The following CPVL variants were observed in gnomAD, a reference collection of about 807,000 sequenced individuals.
CPVL encodes the protein probable serine carboxypeptidase CPVL.
Under a neutral mutation model 63.7 loss-of-function variants are expected in CPVL, and 51 were observed. The observed-to-expected ratio is 0.80, with a 90% CI of 0.64 to 1.01. The LOEUF (loss-of-function observed/expected upper bound fraction) is 1.01. Ranked by LOEUF, CPVL falls within the 50% of genes least tolerant of loss-of-function variation. The pLI is 0.00. For missense variants in CPVL, 530 were observed against 573.1 expected, an observed-to-expected ratio of 0.92 and a Z score of 0.77; for synonymous variants, 195 against 206.0, an observed-to-expected ratio of 0.95 and a Z score of 0.46.
intron 1 of CPVL, among the ~76,000 whole-genome samples, chr7:29,138,468 G>A (rs1791485955): frequency 6.6e-6 from 1 of 151,956 alleles, no homozygotes; most frequent in African/African-American, 2.4e-5. Context: ...AGAAGAAGAA[G>A]AAAGTAAAAC....
At chr7:29,057,196 T>C (rs1357232570) in intron 11 of CPVL, among the ~76,000 whole-genome samples, 1 of 152,082 alleles carries the variant, frequency 6.6e-6, no homozygotes, top group Non-Finnish European at 1.5e-5. Flanking sequence ...TCCTGGGTGA[T>C]CCTCTCGCCT....
chr7:29,022,788 A>T (rs317739), intron 12 of CPVL, among the ~76,000 whole-genome samples: 2 of 152,104 alleles, frequency 1.3e-5, no homozygotes, highest in Non-Finnish European at 2.9e-5. Flanking sequence ...GGCATTGTCC[A>T]GAGGCCTGGG....
intron 1 of CPVL, among the ~76,000 whole-genome samples, chr7:29,145,013 C>G (rs1792328259): frequency 6.6e-6 from 1 of 151,412 alleles, no homozygotes; most frequent in Admixed American, 6.6e-5. Flanking sequence ...AACACTGACA[C>G]TACATTATAA....
chr7:29,064,090 ATGGCTTAAC>A lies in CPVL; in HGVS notation c.1099_1107del (p.Val367_Pro369del). ...TAATTATTCATGATTTCAGTTAACC[ATGGCTTAAC>A]TGACTGTACTGTATCTTCTCGCAAG... is the stretch of plus-strand genomic sequence containing the variant. On this transcript the variant is annotated inframe_deletion, in exon 11 of 13. Coordinates refer to ENST00000265394, the MANE Select transcript of CPVL (RefSeq NM_031311.5). 1.2e-6 allele frequency: 2 copies of A among 1,612,902 alleles called. No homozygotes were observed. The highest frequency in any genetic ancestry group is 1.7e-6 in the Non-Finnish European group (2 of 1,179,090).
chr7:29,137,951 A>G (rs1437367859), intron 1 of CPVL, among the ~76,000 whole-genome samples: 1 of 152,232 alleles, frequency 6.6e-6, no homozygotes, highest in African/African-American at 2.4e-5. Flanking sequence ...TCTAGTGACT[A>G]GGAACTACTG....
chr7:29,051,994 C>T (rs779145397), intron 11 of CPVL, among the ~76,000 whole-genome samples: 5 of 150,838 alleles, frequency 3.3e-5, no homozygotes, highest in Non-Finnish European at 7.4e-5. Flanking sequence ...AATGAATTAA[C>T]GGCATTTGCA....
chr7:29,017,677 G>A (rs1786551374), intron 12 of CPVL, among the ~76,000 whole-genome samples: 1 of 152,102 alleles, frequency 6.6e-6, no homozygotes, highest in Admixed American at 6.6e-5. Context: ...TCTTCTCTCT[G>A]TCTATAGGAG....
At chr7:29,182,941 C>G (rs2128744646) in intron 4 of CPVL, among the ~76,000 whole-genome samples, 1 of 152,176 alleles carries the variant, frequency 6.6e-6, no homozygotes, top group East Asian at 1.9e-4. Flanking sequence ...CAGCTGGATT[C>G]TACATTTTTG....
chr7:29,095,482 T>C (rs1786309113), intron 4 of CPVL, among the ~76,000 whole-genome samples: 1 of 152,102 alleles, frequency 6.6e-6, no homozygotes, highest in African/African-American at 2.4e-5. Flanking sequence ...TCATCCTTAA[T>C]GCTCCATCTC....
At chr7:29,121,956 A>G (rs919936028) in intron 1 of CPVL, among the ~76,000 whole-genome samples, 1 of 152,222 alleles carries the variant, frequency 6.6e-6, no homozygotes, top group African/African-American at 2.4e-5. Context: ...CCAAACCATT[A>G]GCACAAAGCT....
chr7:29,094,411 G>T (rs1298946631), intron 5 of CPVL, among the ~76,000 whole-genome samples: 1 of 151,998 alleles, frequency 6.6e-6, no homozygotes, highest in Non-Finnish European at 1.5e-5. Flanking sequence ...CTATGTGAAA[G>T]ATTAGACGAT....
At chr7:29,116,064 C>T (rs1222080323) in intron 2 of CPVL, among the ~76,000 whole-genome samples, 1 of 152,158 alleles carries the variant, frequency 6.6e-6, no homozygotes, top group East Asian at 1.9e-4. Flanking sequence ...TGCTGACTTA[C>T]ACACCTAAGA....
chr7:28,997,310 G>T (rs963072402), intron 12 of CPVL, among the ~76,000 whole-genome samples: 1 of 152,142 alleles, frequency 6.6e-6, no homozygotes, highest in Admixed American at 6.5e-5. Context: ...GCAGAATCAC[G>T]ATCAGCAATT....
chr7:29,170,189 T>C (rs1366726880), intron 5 of CPVL, among the ~76,000 whole-genome samples: 5 of 152,110 alleles, frequency 3.3e-5, no homozygotes, highest in Non-Finnish European at 7.4e-5. Flanking sequence ...GGTCCTAAGG[T>C]GCTTCCTTGG....
At chr7:29,147,255 C>G, upstream of CPVL, 3 of 358,532 alleles carry the variant, frequency 8.4e-6, no homozygotes, top group African/African-American at 6.3e-5. Flanking sequence ...GGAGGGTCAT[C>G]ATTATCAGCA....
intron 3 of CPVL, 120 bp downstream of exon 3, chr7:29,112,584 T>G: frequency 1.5e-6 from 1 of 651,836 alleles, no homozygotes; most frequent in Non-Finnish European, 2.7e-6. Flanking sequence ...AAAAATCTTA[T>G]TTTTAGAAAA....
chr7:29,190,470 C>G (rs1562817683), intron 1 of CPVL, among the ~76,000 whole-genome samples: 2 of 152,156 alleles, frequency 1.3e-5, no homozygotes. Context: ...CCACGTTCAC[C>G]CTGCAGTGCT....
At chr7:29,165,247 G>A (rs946003170) in intron 5 of CPVL, among the ~76,000 whole-genome samples, 6 of 152,052 alleles carry the variant, frequency 3.9e-5, no homozygotes, top group African/African-American at 1.2e-4. Flanking sequence ...TAAAGGTCTT[G>A]CATAAGTTTT....
intron 3 of CPVL, among the ~76,000 whole-genome samples, chr7:29,102,914 C>A (rs1787302987): frequency 1.3e-5 from 2 of 152,176 alleles, no homozygotes; most frequent in African/African-American, 4.8e-5. Context: ...GATGAAAAAT[C>A]TACTCCATGT....
Sources: gnomAD v4.1 joint callset for allele counts (sites outside exome capture counted in the v4.1 genomes callset) on GRCh38, gnomAD v4.1.1 for gene constraint, MANE v1.5 for transcripts, NCBI Gene and HGNC (gene_info 2026-07-23, HGNC 2026-07-21) for gene names.